Variants in CNTNAP2 observed in about 807,000 individuals in gnomAD.
CNTNAP2 encodes contactin-associated protein-like 2.
A neutral mutation model predicts 155.2 loss-of-function variants in CNTNAP2; 98 were observed. That is an observed-to-expected ratio of 0.63 (90% CI 0.54 to 0.75). The LOEUF (loss-of-function observed/expected upper bound fraction) is 0.75. CNTNAP2 is among the 30% of genes least tolerant of loss of function. The pLI, the probability that CNTNAP2 is intolerant of heterozygous loss-of-function variation, is 0.00. For synonymous variants in CNTNAP2, 651 were observed against 631.2 expected, an observed-to-expected ratio of 1.03 and a Z score of -0.47; for missense variants, 1,727 against 1,688.1, an observed-to-expected ratio of 1.02 and a Z score of -0.40.
intron 14 of CNTNAP2, among the ~76,000 whole-genome samples, chr7:147,945,736 A>T (rs117609483): frequency 0.056 from 8,561 of 151,748 alleles, 310 homozygotes; most frequent in South Asian, 0.14. Context: ...CAGACTCCAG[A>T]AGATGGTAAA....
chr7:148,335,686 T>C (rs576149395), intron 21 of CNTNAP2, among the ~76,000 whole-genome samples: 154 of 152,290 alleles, frequency 1.0e-3, no homozygotes, highest in African/African-American at 3.4e-3. Context: ...CTAAAAGAAA[T>C]GCGGGAGAAA....
chr7:147,707,789 G>A (rs919088300), intron 13 of CNTNAP2, among the ~76,000 whole-genome samples: 1 of 152,332 alleles, frequency 6.6e-6, no homozygotes, highest in South Asian at 2.1e-4. Flanking sequence ...GCTACAATGG[G>A]CTGGGAAGGC....
In CNTNAP2 at chr7:147,911,184, TAG is replaced by T. The variant is rs1170066551; in HGVS notation, c.2255+7466_2255+7467del. Among the ~76,000 whole-genome samples, 6 of 152,122 alleles carry T rather than the reference TAG, an allele frequency of 3.9e-5. No individual in the cohort carries two copies. In the South Asian group the frequency reaches 6.2e-4, roughly 16 times the overall value. ...TGAGTTCAGAAAATGTGATTAAATA[TAG>T]AGTTTATTCCAGCTCAAAGCCTGAG... On this transcript the variant is annotated intron_variant, in intron 14 of 23. Transcript: ENST00000361727.
intron 3 of CNTNAP2, among the ~76,000 whole-genome samples, chr7:146,879,367 A>G (rs893134129): frequency 6.6e-6 from 1 of 152,154 alleles, no homozygotes; most frequent in Admixed American, 6.6e-5. Context: ...CATGTTAGTA[A>G]ACATGTTTTA....
At chr7:146,721,560 TTCTA>T (rs1256620254) in intron 1 of CNTNAP2, among the ~76,000 whole-genome samples, 1 of 123,168 alleles carries the variant, frequency 8.1e-6, no homozygotes, top group Non-Finnish European at 1.6e-5. Flanking sequence ...TCTATATACA[TTCTA>T]TATATATTCT....
At chr7:146,851,048 A>G (rs1286151513) in intron 3 of CNTNAP2, among the ~76,000 whole-genome samples, 1 of 151,866 alleles carries the variant, frequency 6.6e-6, no homozygotes, top group Non-Finnish European at 1.5e-5. Context: ...GCAGTTTCCC[A>G]ATCTCTGCTC....
chr7:146,902,049 T>C (rs1479573066), intron 3 of CNTNAP2, among the ~76,000 whole-genome samples: 1 of 150,602 alleles, frequency 6.6e-6, no homozygotes, highest in Non-Finnish European at 1.5e-5. Flanking sequence ...CTAATTTTTC[T>C]TTTTTTTTGT....
intron 8 of CNTNAP2, among the ~76,000 whole-genome samples, chr7:147,286,981 C>A (rs1254519748): frequency 6.6e-6 from 1 of 152,058 alleles, no homozygotes; most frequent in East Asian, 1.9e-4. Flanking sequence ...TCTCAGTAAT[C>A]TTTCTTTGTT....
intron 16 of CNTNAP2, among the ~76,000 whole-genome samples, chr7:148,129,315 C>T (rs939451895): frequency 1.5e-4 from 23 of 152,262 alleles, no homozygotes; most frequent in East Asian, 3.9e-4. Flanking sequence ...ACATACATGA[C>T]GGTATGTCCT....
intron 1 of CNTNAP2, among the ~76,000 whole-genome samples, chr7:146,372,409 C>G (rs758192846): frequency 1.3e-5 from 2 of 149,806 alleles, no homozygotes; most frequent in Non-Finnish European, 3.0e-5. Context: ...AGATAAAACA[C>G]TTGAACCATT....
chr7:146,630,961 A>T (rs185789271), intron 1 of CNTNAP2, among the ~76,000 whole-genome samples: 222 of 152,292 alleles, frequency 1.5e-3, no homozygotes, highest in African/African-American at 5.1e-3. Context: ...AAGAATCAAT[A>T]TTGTGAAAAT....
intron 8 of CNTNAP2, among the ~76,000 whole-genome samples, chr7:147,176,719 T>TA (rs1802348290): frequency 1.5e-5 from 2 of 129,744 alleles, no homozygotes; most frequent in African/African-American, 2.9e-5. Context: ...AATAGAATTA[T>TA]ATATTATATA....
At chr7:147,851,301 G>A (rs541307029) in intron 13 of CNTNAP2, among the ~76,000 whole-genome samples, 2,458 of 152,236 alleles carry the variant, frequency 0.016, 61 homozygotes, top group African/African-American at 0.055. Flanking sequence ...TGGAGAAATA[G>A]GAACACTTTT....
intron 1 of CNTNAP2, among the ~76,000 whole-genome samples, chr7:146,177,608 G>T (rs188974706): frequency 6.6e-6 from 1 of 152,106 alleles, no homozygotes; most frequent in Non-Finnish European, 1.5e-5. Flanking sequence ...AGTTTAGTTC[G>T]TACCGGATTT....
intron 1 of CNTNAP2, among the ~76,000 whole-genome samples, chr7:146,481,905 G>T (rs953919209): frequency 6.6e-6 from 1 of 152,102 alleles, no homozygotes; most frequent in Non-Finnish European, 1.5e-5. Context: ...AGAATTTATT[G>T]TAAGTGTCCC....
chr7:147,422,341 T>A (rs1255705861), intron 10 of CNTNAP2, among the ~76,000 whole-genome samples: 1 of 151,174 alleles, frequency 6.6e-6, no homozygotes, highest in Non-Finnish European at 1.5e-5. Flanking sequence ...TACCCTGAAT[T>A]TATACACTAT....
chr7:148,130,965 C>G (rs1030562429), intron 16 of CNTNAP2, among the ~76,000 whole-genome samples: 17 of 150,256 alleles, frequency 1.1e-4, no homozygotes, highest in African/African-American at 3.4e-4. Context: ...TAGCATTTGT[C>G]TGAATGGAGT....
intron 12 of CNTNAP2, among the ~76,000 whole-genome samples, chr7:147,577,930 C>A (rs1325654960): frequency 6.6e-6 from 1 of 151,980 alleles, no homozygotes; most frequent in Non-Finnish European, 1.5e-5. Context: ...CCAGTATTTC[C>A]ATACACAGTA....
chr7:146,979,848 A>G (rs1171884426), intron 3 of CNTNAP2, among the ~76,000 whole-genome samples: 1 of 152,238 alleles, frequency 6.6e-6, no homozygotes, highest in Non-Finnish European at 1.5e-5. Flanking sequence ...AAAAGAGAAG[A>G]GTAAAATATA....
Sources: allele counts gnomAD v4.1 joint callset (sites outside exome capture counted in the v4.1 genomes callset), GRCh38; gene constraint gnomAD v4.1.1; transcripts MANE v1.5; gene names NCBI Gene and HGNC (gene_info 2026-07-23, HGNC 2026-07-21).